The following NALF1 variants were observed in gnomAD, a reference collection of about 807,000 sequenced individuals.
NALF1 encodes NALCN channel auxiliary factor 1.
A neutral mutation model predicts 48.4 loss-of-function variants in NALF1; 3 were observed. That is an observed-to-expected ratio of 0.06 (90% CI 0.03 to 0.16). The LOEUF (loss-of-function observed/expected upper bound fraction) is 0.16, where lower values mean the gene tolerates loss of function less well. Among genes scored for constraint, NALF1 ranks in the 10% least tolerant of loss-of-function variants. The probability of loss-of-function intolerance (pLI) is 1.00; values close to 1 mark genes in which losing one functional copy is unlikely to be tolerated. For missense variants in NALF1, 526 were observed against 571.5 expected (o/e 0.92, Z 0.81); for synonymous variants, 262 against 245.7 (o/e 1.07, Z -0.62).
chr13:107,370,022 A>G (rs563782167), intron 1 of NALF1, among the ~76,000 whole-genome samples: 2 of 152,354 alleles, frequency 1.3e-5, no homozygotes, highest in African/African-American at 4.8e-5. Context: ...CTCGTCATGG[A>G]AAGCTTGCAG....
At chr13:107,618,724 C>T (rs1432695843) in intron 1 of NALF1, among the ~76,000 whole-genome samples, 1 of 152,056 alleles carries the variant, frequency 6.6e-6, no homozygotes, top group Non-Finnish European at 1.5e-5. Context: ...AGGAGTAAAG[C>T]ACTCTGACTG....
chr13:107,865,701 G>A lies in NALF1; in HGVS notation c.896C>T (p.Ser299Phe), dbSNP rs759883333. Residue 299 changes from serine to phenylalanine, a missense_variant, in exon 1 of 3, where the codon TCC becomes TTC. Ser to Phe is a radical substitution (Grantham distance 155, BLOSUM62 -2). This residue lies in a region of NALF1 where 153 missense variants were observed against 215.9 expected (regional missense o/e 0.71). Coordinates refer to ENST00000375915, the MANE Select transcript of NALF1 (RefSeq NM_001080396.3). ...TCCTACCTTACAGTCTTCAGGACAG[G>A]ATTTCACCGAGTACTCCTCCGACTG... is the stretch of plus-strand genomic sequence containing the variant. ...YLQSEEYSVK[S>F]CPEDCKIVYK... 4 of 1,613,938 alleles carry A rather than the reference G, an allele frequency of 2.5e-6. No individual in the cohort carries two copies. Among genetic ancestry groups the A allele is most frequent in the African/African-American group, 1.3e-5 (1 of 75,016 alleles).
intron 1 of NALF1, among the ~76,000 whole-genome samples, chr13:107,377,525 C>T (rs1047019148): frequency 1.3e-5 from 2 of 152,172 alleles, no homozygotes; most frequent in African/African-American, 4.8e-5. Flanking sequence ...TGGCTCACAC[C>T]TGTAATCCCA....
intron 1 of NALF1, among the ~76,000 whole-genome samples, chr13:107,638,186 T>TA (rs1322623687): frequency 4.1e-4 from 49 of 120,584 alleles, no homozygotes; most frequent in African/African-American, 1.5e-3. Context: ...TATATAAAGA[T>TA]TTATATATAT....
At chr13:107,853,717 T>G (rs1039470342) in intron 1 of NALF1, among the ~76,000 whole-genome samples, 1 of 152,232 alleles carries the variant, frequency 6.6e-6, no homozygotes, top group Non-Finnish European at 1.5e-5. Context: ...TTTCCTAATG[T>G]TCCACAGATT....
In NALF1 at chr13:107,828,872, G is replaced by C. The variant is rs1372301308; in HGVS notation, c.915+36810C>G. On this transcript the variant is annotated intron_variant, in intron 1 of 2. Coordinates refer to ENST00000375915, the MANE Select transcript of NALF1 (RefSeq NM_001080396.3). ...TAAAAACATGGTTTCAGATCAGCTT[G>C]GGGGGACAGTACCAATTTCACCATT... Among the ~76,000 whole-genome samples, 3 of 152,022 alleles carry C rather than the reference G, an allele frequency of 2.0e-5. No homozygotes were observed. In the South Asian group the frequency reaches 6.2e-4, roughly 32 times the overall value.
chr13:107,445,376 T>A (rs1884633015), intron 1 of NALF1, among the ~76,000 whole-genome samples: 1 of 152,244 alleles, frequency 6.6e-6, no homozygotes, highest in African/African-American at 2.4e-5. Flanking sequence ...CTCAGTATAA[T>A]TCTCTTGACC....
chr13:107,751,298 G>A (rs1391994872), intron 1 of NALF1, among the ~76,000 whole-genome samples: 1 of 152,158 alleles, frequency 6.6e-6, no homozygotes, highest in Admixed American at 6.5e-5. Flanking sequence ...TCACATTTCT[G>A]CACTTATGGA....
intron 1 of NALF1, among the ~76,000 whole-genome samples, chr13:107,324,535 A>T (rs1483924302): frequency 1.3e-5 from 2 of 152,164 alleles, no homozygotes; most frequent in Non-Finnish European, 2.9e-5. Flanking sequence ...ATTCTAGAAG[A>T]AAATCCCTAA....
chr13:107,563,545 T>G (rs7332705), intron 1 of NALF1, among the ~76,000 whole-genome samples: 16,909 of 152,172 alleles, frequency 0.11, 1,214 homozygotes, highest in Admixed American at 0.19. Flanking sequence ...CTTCAAATAG[T>G]GACAGATATT....
intron 1 of NALF1, among the ~76,000 whole-genome samples, chr13:107,536,043 G>A (rs1247388441): frequency 3.3e-5 from 5 of 152,154 alleles, no homozygotes; most frequent in Non-Finnish European, 7.3e-5. Context: ...GCTGAAACTG[G>A]ATCCCTACCT....
intron 1 of NALF1, among the ~76,000 whole-genome samples, chr13:107,475,246 C>A (rs1055736694): frequency 6.6e-6 from 1 of 152,142 alleles, no homozygotes; most frequent in African/African-American, 2.4e-5. Context: ...TTCAATTCTG[C>A]GTATAGCATT....
chr13:107,506,462 T>C (rs913608466), intron 1 of NALF1, among the ~76,000 whole-genome samples: 1 of 152,178 alleles, frequency 6.6e-6, no homozygotes, highest in African/African-American at 2.4e-5. Flanking sequence ...CAAAGGTTTA[T>C]AGTGTAATCA....
chr13:107,844,625 T>C (rs939831246), intron 1 of NALF1, among the ~76,000 whole-genome samples: 5 of 152,174 alleles, frequency 3.3e-5, no homozygotes, highest in Non-Finnish European at 5.9e-5. Context: ...ATATAGTAAT[T>C]GTATGAATCA....
At chr13:107,429,160 C>A (rs996200353) in intron 1 of NALF1, among the ~76,000 whole-genome samples, 1 of 151,778 alleles carries the variant, frequency 6.6e-6, no homozygotes, top group South Asian at 2.1e-4. Context: ...CCCCTCTCTA[C>A]TGAAATATAA....
At chr13:107,356,663 A>C (rs775112809) in intron 1 of NALF1, among the ~76,000 whole-genome samples, 4 of 152,196 alleles carry the variant, frequency 2.6e-5, no homozygotes, top group Non-Finnish European at 5.9e-5. Flanking sequence ...CCTTCACCAG[A>C]GCAAAGTTTT....
chr13:107,401,749 G>A (rs907466750), intron 1 of NALF1, among the ~76,000 whole-genome samples: 8 of 151,532 alleles, frequency 5.3e-5, no homozygotes, highest in African/African-American at 7.3e-5. Context: ...CCAGTCAGCC[G>A]AAATGGCACG....
chr13:107,466,901 T>C (rs74114556), intron 1 of NALF1, among the ~76,000 whole-genome samples: 5,190 of 152,278 alleles, frequency 0.034, 298 homozygotes, highest in African/African-American at 0.12. Context: ...GTGTGGTCAA[T>C]GTGCAACCAG....
intron 2 of NALF1, among the ~76,000 whole-genome samples, chr13:107,180,256 A>G (rs1382474121): frequency 6.6e-6 from 1 of 152,090 alleles, no homozygotes; most frequent in Non-Finnish European, 1.5e-5. Context: ...TTATTCAAGT[A>G]TAGGCATTAC....
Sources: gnomAD v4.1 joint callset for allele counts (sites outside exome capture counted in the v4.1 genomes callset) on GRCh38, gnomAD v4.1.1 for gene constraint, gnomAD v4.1.1 regional missense constraint, MANE v1.5 for transcripts, NCBI Gene and HGNC (gene_info 2026-07-23, HGNC 2026-07-21) for gene names.